The following KCNMB2 variants were observed in gnomAD, a reference collection of about 807,000 sequenced individuals.
KCNMB2 encodes the protein calcium-activated potassium channel subunit beta-2.
A neutral mutation model predicts 24.5 loss-of-function variants in KCNMB2; 9 were observed. The ratio of observed to expected loss-of-function variants is 0.37; its 90% CI spans 0.22 to 0.64. The LOEUF (loss-of-function observed/expected upper bound fraction) is 0.64. Ranked by LOEUF, KCNMB2 falls within the 30% of genes least tolerant of loss-of-function variation. The pLI, the probability that KCNMB2 is intolerant of heterozygous loss-of-function variation, is 0.63. For missense variants in KCNMB2, 226 were observed against 284.3 expected (o/e 0.79, Z 1.47); for synonymous variants, 109 against 104.4 (o/e 1.04, Z -0.27).
chr3:178,574,071 G>A (rs1326467281), intron 1 of KCNMB2, among the ~76,000 whole-genome samples: 1 of 152,074 alleles, frequency 6.6e-6, no homozygotes, highest in Non-Finnish European at 1.5e-5. Flanking sequence ...TTTTTTCCAA[G>A]AATAGAGCCA....
intron 1 of KCNMB2, among the ~76,000 whole-genome samples, chr3:178,538,691 G>A (rs1190266289): frequency 6.6e-6 from 1 of 152,218 alleles, no homozygotes; most frequent in East Asian, 1.9e-4. Flanking sequence ...ACAGATTGAT[G>A]AGGAAAAAGT....
At chr3:178,670,504 A>G (rs1720865326) in intron 1 of KCNMB2, among the ~76,000 whole-genome samples, 1 of 152,182 alleles carries the variant, frequency 6.6e-6, no homozygotes, top group Non-Finnish European at 1.5e-5. Flanking sequence ...TATTGTATTG[A>G]TGTTAAGCAA....
chr3:178,539,717 G>A (rs530449569), intron 1 of KCNMB2, among the ~76,000 whole-genome samples: 34 of 151,698 alleles, frequency 2.2e-4, no homozygotes, highest in Admixed American at 4.6e-4. Context: ...AAAGGGGAAA[G>A]AGAGAGAGAG....
intron 1 of KCNMB2, among the ~76,000 whole-genome samples, chr3:178,787,829 T>C (rs143095804): frequency 3.3e-5 from 5 of 152,214 alleles, no homozygotes; most frequent in African/African-American, 1.2e-4. Context: ...TCAAAACCAA[T>C]GAGAGAACGT....
rs189218634 is a variant in KCNMB2, at chr3:178,608,173, C to T, written c.-68+71462C>T. On this transcript the variant is annotated intron_variant, in intron 1 of 4. Transcript: ENST00000452583. ...AGTAAAGCAACAGACACTATGAATG[C>T]TTTGGAGAAAAACTGGACTTTGTGG... Among the ~76,000 whole-genome samples the T allele has an allele frequency of 1.2e-3, 182 of 152,238 alleles. 1 individual carries two copies. Among genetic ancestry groups the T allele is most frequent in the African/African-American group, 4.3e-3 (180 of 41,562 alleles).
chr3:178,731,199 G>A (rs554620825), intron 1 of KCNMB2, among the ~76,000 whole-genome samples: 18 of 152,176 alleles, frequency 1.2e-4, no homozygotes, highest in Admixed American at 9.2e-4. Context: ...GAACAATATC[G>A]AGCATCATAG....
At chr3:178,686,237 T>G (rs1721466719) in intron 1 of KCNMB2, among the ~76,000 whole-genome samples, 1 of 152,208 alleles carries the variant, frequency 6.6e-6, no homozygotes, top group Non-Finnish European at 1.5e-5. Context: ...CACATTTATT[T>G]AATAAAGTTC....
chr3:178,770,935 G>T (rs932537023), intron 1 of KCNMB2, among the ~76,000 whole-genome samples: 1 of 152,114 alleles, frequency 6.6e-6, no homozygotes, highest in Non-Finnish European at 1.5e-5. Flanking sequence ...GGATTAATTT[G>T]GGGGTAAATG....
At chr3:178,667,815 C>A (rs1052391362) in intron 1 of KCNMB2, among the ~76,000 whole-genome samples, 2 of 152,104 alleles carry the variant, frequency 1.3e-5, no homozygotes, top group Admixed American at 6.6e-5. Flanking sequence ...TAAAGCCCCA[C>A]TCTTGAGTAT....
At chr3:178,716,891 C>A (rs1722635814) in intron 1 of KCNMB2, among the ~76,000 whole-genome samples, 1 of 151,802 alleles carries the variant, frequency 6.6e-6, no homozygotes, top group South Asian at 2.1e-4. Context: ...CCAGGGACAC[C>A]CCTTCTTTCT....
intron 1 of KCNMB2, among the ~76,000 whole-genome samples, chr3:178,663,118 C>T (rs1720593495): frequency 6.6e-6 from 1 of 152,252 alleles, no homozygotes; most frequent in East Asian, 1.9e-4. Flanking sequence ...GGTCCCTCAT[C>T]TTCAAGGAGG....
At chr3:178,818,718 A>G (rs1400309777) in intron 2 of KCNMB2, among the ~76,000 whole-genome samples, 1 of 152,186 alleles carries the variant, frequency 6.6e-6, no homozygotes, top group African/African-American at 2.4e-5. Flanking sequence ...AACCAACCAC[A>G]CTAACACGAG....
At chr3:178,678,350 C>A (rs1721143637) in intron 1 of KCNMB2, among the ~76,000 whole-genome samples, 3 of 152,188 alleles carry the variant, frequency 2.0e-5, no homozygotes, top group African/African-American at 7.2e-5. Context: ...AATTTGGAAT[C>A]TTATTGCCAC....
rs529502683 is a variant in KCNMB2, at chr3:178,834,140, A to G, written c.423+5767A>G. ...CTATACCCATTTTTTGGTATATGGC[A>G]TAATACTATATATCTGTTCTGATGA... On this transcript the variant is annotated intron_variant, in intron 4 of 4. Transcript: ENST00000452583. Among the ~76,000 whole-genome samples the G allele has an allele frequency of 2.0e-5, 3 of 152,310 alleles. No homozygotes were observed. The South Asian group carries it at 6.2e-4, about 32-fold the overall frequency.
chr3:178,785,593 C>T (rs969322298), intron 1 of KCNMB2, among the ~76,000 whole-genome samples: 3 of 151,708 alleles, frequency 2.0e-5, no homozygotes, highest in African/African-American at 7.3e-5. Flanking sequence ...AGTGGTTATC[C>T]CTGGAAAGTA....
At chr3:178,724,160 T>A (rs114404385) in intron 1 of KCNMB2, among the ~76,000 whole-genome samples, 5 of 152,150 alleles carry the variant, frequency 3.3e-5, no homozygotes, top group African/African-American at 1.2e-4. Context: ...TTTGTTATTG[T>A]TTTTGTTGTT....
At chr3:178,588,672 T>A (rs1414277840) in intron 1 of KCNMB2, among the ~76,000 whole-genome samples, 2 of 152,186 alleles carry the variant, frequency 1.3e-5, no homozygotes, top group African/African-American at 4.8e-5. Flanking sequence ...TCACATATTG[T>A]ATATAAACAT....
intron 1 of KCNMB2, among the ~76,000 whole-genome samples, chr3:178,760,914 C>T (rs1377250021): frequency 6.6e-6 from 1 of 152,002 alleles, no homozygotes; most frequent in Non-Finnish European, 1.5e-5. Flanking sequence ...ATATCATTTT[C>T]TGATCAAAAT....
chr3:178,555,978 G>A (rs1397028337), intron 1 of KCNMB2, among the ~76,000 whole-genome samples: 1 of 152,152 alleles, frequency 6.6e-6, no homozygotes, highest in Non-Finnish European at 1.5e-5. Flanking sequence ...AAATAAGAAG[G>A]AAATAGACAC....
Sources: gnomAD v4.1 joint callset for allele counts (sites outside exome capture counted in the v4.1 genomes callset) on GRCh38, gnomAD v4.1.1 for gene constraint, MANE v1.5 for transcripts, NCBI Gene and HGNC (gene_info 2026-07-23, HGNC 2026-07-21) for gene names.